BMP2K: variants seen among roughly 807,000 people sequenced by gnomAD.
The protein encoded by BMP2K is BMP-2-inducible protein kinase.
BMP2K carries 74 observed loss-of-function variants against 116.0 expected under a neutral mutation model. That is an observed-to-expected ratio of 0.64 (90% CI 0.53 to 0.77). BMP2K has a LOEUF of 0.77. BMP2K is among the 30% of genes least tolerant of loss of function. BMP2K has a pLI of 0.00. For missense variants in BMP2K, 1,365 were observed against 1,403.6 expected (o/e 0.97, Z 0.44); for synonymous variants, 486 against 502.5 (o/e 0.97, Z 0.44).
chr4:78,890,335 T>C (rs1010331604), intron 15 of BMP2K, among the ~76,000 whole-genome samples: 2 of 152,112 alleles, frequency 1.3e-5, no homozygotes, highest in Non-Finnish European at 2.9e-5. Flanking sequence ...CTTTCTATTA[T>C]GGAAAATGAG....
chr4:78,907,700 G>T (rs375231145), intron 15 of BMP2K, among the ~76,000 whole-genome samples: 39 of 152,298 alleles, frequency 2.6e-4, no homozygotes, highest in Admixed American at 6.5e-4. Flanking sequence ...AGGTGAGTAG[G>T]AGTGGAGGCA....
At chr4:78,780,959 A>C (rs918719383) in intron 1 of BMP2K, among the ~76,000 whole-genome samples, 1 of 152,184 alleles carries the variant, frequency 6.6e-6, no homozygotes. Context: ...GAAGAAAGTT[A>C]GGTAAAAACA....
rs1031418871 is a variant in BMP2K, at chr4:78,913,350, CA to C, written c.*1320del. 6.6e-6 allele frequency: 1 copy of C among 152,114 alleles called. No homozygotes were observed. The highest frequency in any genetic ancestry group is 2.4e-5 in the African/African-American group (1 of 41,440). 9.4% of individuals were successfully genotyped at this position (152,114 alleles called of 1,614,324 possible). A position where few individuals can be genotyped will look rare whatever the true frequency, so the allele number is the denominator to read the frequency against. ...TACCAATTTGCCTTTTTTTACACCA[CA>C]AATCCTAATTAGAAACTTGAGGTTT... is the stretch of plus-strand genomic sequence containing the variant. On this transcript the variant is annotated 3_prime_UTR_variant, in exon 16 of 16. Transcript: ENST00000502613.
At chr4:78,819,303 C>A (rs1392519121) in intron 1 of BMP2K, among the ~76,000 whole-genome samples, 1 of 152,148 alleles carries the variant, frequency 6.6e-6, no homozygotes, top group Non-Finnish European at 1.5e-5. Flanking sequence ...GATCCACCAT[C>A]CTTGGCCTCC....
At chr4:78,909,079 T>TTTTTA (rs1734435874) in intron 15 of BMP2K, among the ~76,000 whole-genome samples, 1 of 143,512 alleles carries the variant, frequency 7.0e-6, no homozygotes, top group African/African-American at 2.7e-5. Context: ...TTTTTTTTTT[T>TTTTTA]GAGACAGTTC....
At chr4:78,800,419 T>C (rs1160554401) in intron 1 of BMP2K, among the ~76,000 whole-genome samples, 2 of 152,200 alleles carry the variant, frequency 1.3e-5, no homozygotes, top group Non-Finnish European at 2.9e-5. Flanking sequence ...ACTCTCTATC[T>C]TCTGTGACTT....
intron 14 of BMP2K, among the ~76,000 whole-genome samples, chr4:78,881,676 A>G (rs1187225671): frequency 1.3e-5 from 2 of 151,988 alleles, no homozygotes; most frequent in Non-Finnish European, 2.9e-5. Context: ...TGGGCAAAAG[A>G]CCTCTTCCAG....
intron 1 of BMP2K, among the ~76,000 whole-genome samples, chr4:78,798,359 T>A (rs1728401810): frequency 6.6e-6 from 1 of 152,166 alleles, no homozygotes; most frequent in Non-Finnish European, 1.5e-5. Context: ...GAAACCTAAG[T>A]GTTTCAGAGG....
rs528629113 is a variant in BMP2K, at chr4:78,842,090, GC to G, written c.404-294del. Among the ~76,000 whole-genome samples the G allele has an allele frequency of 4.6e-5, 7 of 152,044 alleles. No homozygotes were observed. In the South Asian group the frequency reaches 1.5e-3, roughly 32 times the overall value. On this transcript the variant is annotated intron_variant, in intron 3 of 15. Coordinates refer to ENST00000502613, the MANE Select transcript of BMP2K (RefSeq NM_198892.2). ...CCCATAAATAGTATGGTGTTAAATA[GC>G]TATTTCTTAAAACCAGTATTATAAG...
intron 1 of BMP2K, among the ~76,000 whole-genome samples, chr4:78,812,208 A>G (rs758559955): frequency 5.3e-4 from 80 of 152,234 alleles, no homozygotes; most frequent in Non-Finnish European, 1.1e-3. Flanking sequence ...ACCTCACGTG[A>G]TCCACCCACC....
chr4:78,871,750 C>A, intron 11 of BMP2K, 100 bp from the exon 12 acceptor site: 1 of 668,998 alleles, frequency 1.5e-6, no homozygotes, highest in Non-Finnish European at 2.6e-6. Flanking sequence ...GATGTTTGGA[C>A]TACTGATTTC....
At chr4:78,828,474 C>T (rs1272089601) in intron 2 of BMP2K, among the ~76,000 whole-genome samples, 1 of 152,118 alleles carries the variant, frequency 6.6e-6, no homozygotes, top group Non-Finnish European at 1.5e-5. Context: ...CATTCCTTCC[C>T]CCAGGGTATA....
chr4:78,790,259 A>G (rs1727934374), intron 1 of BMP2K, among the ~76,000 whole-genome samples: 1 of 152,222 alleles, frequency 6.6e-6, no homozygotes, highest in South Asian at 2.1e-4. Flanking sequence ...TAATGTTTCT[A>G]AACTAAACTT....
At chr4:78,821,931 T>G (rs1729637461) in intron 1 of BMP2K, among the ~76,000 whole-genome samples, 1 of 152,160 alleles carries the variant, frequency 6.6e-6, no homozygotes, top group South Asian at 2.1e-4. Context: ...AGCATGGAAA[T>G]GACAAAGCAT....
At chr4:78,856,977 G>A (rs982999634) in intron 7 of BMP2K, among the ~76,000 whole-genome samples, 1 of 152,010 alleles carries the variant, frequency 6.6e-6, no homozygotes, top group Non-Finnish European at 1.5e-5. Context: ...TTTCCCACTG[G>A]GGAGAATGAG....
At chr4:78,895,236 A>T (rs892679794) in intron 15 of BMP2K, among the ~76,000 whole-genome samples, 3 of 152,228 alleles carry the variant, frequency 2.0e-5, no homozygotes, top group African/African-American at 7.2e-5. Flanking sequence ...TTTTTTAGAA[A>T]GTCAATCTTG....
At chr4:78,857,294 T>C (rs1327932273) in intron 7 of BMP2K, among the ~76,000 whole-genome samples, 1 of 152,112 alleles carries the variant, frequency 6.6e-6, no homozygotes, top group Non-Finnish European at 1.5e-5. Context: ...CCAGCAGATA[T>C]ATTCCCACAT....
chr4:78,861,521 T>G (rs1218053516), intron 9 of BMP2K, 53 bp downstream of exon 9: 1 of 1,401,954 alleles, frequency 7.1e-7, no homozygotes, highest in Non-Finnish European at 1.0e-6. Flanking sequence ...TGATAGGTCT[T>G]GTTTTTAATC....
chr4:78,894,923 G>A (rs886851216), intron 15 of BMP2K, among the ~76,000 whole-genome samples: 7 of 152,302 alleles, frequency 4.6e-5, no homozygotes, highest in Middle Eastern at 3.4e-3. Context: ...GGAATAGGGA[G>A]ACCTAAGGAA....
Sources: allele counts gnomAD v4.1 joint callset (sites outside exome capture counted in the v4.1 genomes callset), GRCh38; gene constraint gnomAD v4.1.1; transcripts MANE v1.5; gene names NCBI Gene and HGNC (gene_info 2026-07-23, HGNC 2026-07-21).